The following BAIAP2L1 variants were observed in gnomAD, a reference collection of about 807,000 sequenced individuals.
BAIAP2L1 encodes the protein BAR/IMD domain containing adaptor protein 2 like 1, also known as BAR/IMD domain-containing adapter protein 2-like 1.
A neutral mutation model predicts 66.3 loss-of-function variants in BAIAP2L1; 35 were observed. The observed-to-expected ratio is 0.53, with a 90% CI of 0.40 to 0.70. The LOEUF (loss-of-function observed/expected upper bound fraction) is 0.70, where lower values mean the gene tolerates loss of function less well. Ranked by LOEUF, BAIAP2L1 falls within the 30% of genes least tolerant of loss-of-function variation. BAIAP2L1 has a pLI of 0.00. For synonymous variants in BAIAP2L1, 269 were observed against 248.7 expected, an observed-to-expected ratio of 1.08 and a Z score of -0.77; for missense variants, 622 against 656.9, an observed-to-expected ratio of 0.95 and a Z score of 0.58.
intron 5 of BAIAP2L1, among the ~76,000 whole-genome samples, chr7:98,319,672 G>A (rs569729735): frequency 1.3e-5 from 2 of 150,580 alleles, no homozygotes; most frequent in South Asian, 2.1e-4. Context: ...TCATCCTCCC[G>A]AGTAGCTGGG....
Position 98,307,681 on chromosome 7 carries a change from A to G in BAIAP2L1, c.1163+8T>C, listed in dbSNP as rs780121332. On this transcript the variant is annotated splice_region_variant and intron_variant, in intron 10 of 13. Transcript: ENST00000005260. ...GTGCCCTGCGGGGACCATCACGCCC[A>G]GACTTACGCCTTGGACACGTCGTGT... 6.2e-7 allele frequency: 1 copy of G among 1,613,608 alleles called. No individual in the cohort carries two copies. The highest frequency in any genetic ancestry group is 1.7e-5 in the Admixed American group (1 of 60,024).
At chr7:98,393,744 C>T (rs1012378324) in intron 1 of BAIAP2L1, among the ~76,000 whole-genome samples, 3 of 151,184 alleles carry the variant, frequency 2.0e-5, no homozygotes, top group Admixed American at 6.6e-5. Flanking sequence ...CTCGGCCTCC[C>T]AAAGTGCTGG....
intron 3 of BAIAP2L1, among the ~76,000 whole-genome samples, chr7:98,320,850 C>T (rs563188418): frequency 7.7e-5 from 10 of 129,776 alleles, no homozygotes; most frequent in Admixed American, 4.7e-4. Context: ...TCACATGAGT[C>T]TTTCTGTTCT....
chr7:98,347,632 G>T (rs1017067000), intron 3 of BAIAP2L1, among the ~76,000 whole-genome samples: 3 of 152,036 alleles, frequency 2.0e-5, no homozygotes, highest in African/African-American at 7.3e-5. Context: ...AAAATTAGCC[G>T]GGCGCCGTGG....
chr7:98,331,530 G>A (rs549575974), intron 3 of BAIAP2L1, among the ~76,000 whole-genome samples: 6 of 148,176 alleles, frequency 4.0e-5, no homozygotes, highest in Non-Finnish European at 5.9e-5. Flanking sequence ...GTGCAATGGC[G>A]TGATCTCGGC....
chr7:98,391,214 T>C (rs774101127), intron 1 of BAIAP2L1, among the ~76,000 whole-genome samples: 44 of 151,972 alleles, frequency 2.9e-4, no homozygotes, highest in Non-Finnish European at 5.7e-4. Flanking sequence ...GCACAAGCAC[T>C]CTAGGAGGTG....
At chr7:98,356,352 GT>G (rs1205390655) in intron 2 of BAIAP2L1, among the ~76,000 whole-genome samples, 1 of 152,114 alleles carries the variant, frequency 6.6e-6, no homozygotes, top group Non-Finnish European at 1.5e-5. Context: ...TCTAAGATTG[GT>G]TTCAGACATA....
At chr7:98,382,673 G>A (rs1228264067) in intron 1 of BAIAP2L1, among the ~76,000 whole-genome samples, 1 of 152,104 alleles carries the variant, frequency 6.6e-6, no homozygotes, top group Admixed American at 6.6e-5. Flanking sequence ...TCTTGGCAAT[G>A]CCAGGAAAGC....
intron 7 of BAIAP2L1, among the ~76,000 whole-genome samples, chr7:98,314,637 T>C (rs1801004008): frequency 6.6e-6 from 1 of 152,068 alleles, no homozygotes; most frequent in Non-Finnish European, 1.5e-5. Flanking sequence ...CAGGAACCAA[T>C]ACCACCAAGA....
rs371518872 is a variant in BAIAP2L1 at position 98,306,411 on chromosome 7, G to A, written c.1241+28C>T. On this transcript the variant is annotated intron_variant, in intron 11 of 13. Coordinates refer to ENST00000005260, the MANE Select transcript of BAIAP2L1 (RefSeq NM_018842.5). ...CGACAAGGCAGGGGTTTCTGTCACC[G>A]GGAGAGCTCAGCCACGTTCAGGGCT... The A allele has an allele frequency of 8.1e-6, 13 of 1,612,854 alleles. 1 individual carries two copies. Among genetic ancestry groups the A allele is most frequent in the South Asian group, 3.3e-5 (3 of 91,064 alleles).
chr7:98,357,037 ATATATATATATATTTTTT>A (rs1562782870), intron 2 of BAIAP2L1, among the ~76,000 whole-genome samples: 2 of 16,972 alleles, frequency 1.2e-4, no homozygotes, highest in African/African-American at 4.5e-4. Flanking sequence ...ATATATATAT[ATATATATATATATTTTTT>A]TTTTTTTTTT....
chr7:98,364,099 C>G (rs565580459), intron 1 of BAIAP2L1, among the ~76,000 whole-genome samples: 1 of 151,930 alleles, frequency 6.6e-6, no homozygotes, highest in African/African-American at 2.4e-5. Context: ...GGCCTCAGGT[C>G]TCTATACCTC....
intron 1 of BAIAP2L1, among the ~76,000 whole-genome samples, chr7:98,365,977 T>G (rs948798246): frequency 6.6e-6 from 1 of 152,168 alleles, no homozygotes; most frequent in African/African-American, 2.4e-5. Context: ...CAGTTTGTAT[T>G]GAGGCGTGCA....
At chr7:98,297,168 G>A (rs1436713263) in intron 12 of BAIAP2L1, among the ~76,000 whole-genome samples, 1 of 152,228 alleles carries the variant, frequency 6.6e-6, no homozygotes, top group African/African-American at 2.4e-5. Flanking sequence ...ACTGCGGCCA[G>A]GGTGGACACA....
intron 8 of BAIAP2L1, 79 bp from the exon 9 acceptor site, chr7:98,310,671 T>A: frequency 8.4e-7 from 1 of 1,187,136 alleles, no homozygotes; most frequent in Non-Finnish European, 1.1e-6. Context: ...CTGTTTTTTT[T>A]TTTTAAATAA....
chr7:98,311,788 C>T (rs529569069), intron 8 of BAIAP2L1, among the ~76,000 whole-genome samples: 77 of 152,112 alleles, frequency 5.1e-4, no homozygotes, highest in Admixed American at 2.2e-3. Context: ...CCCCAGTAAT[C>T]CCAGCTACTG....
rs1801504721 is a variant in BAIAP2L1 at position 98,332,000 on chromosome 7, T to C, written c.215-11702A>G. ...GACAAACAAAAACTGAGGGGATTGG[T>C]TACCAGTAGGTCTGACTTGGGAAAA... On this transcript the variant is annotated intron_variant, in intron 3 of 13. Transcript: ENST00000005260. 3.9e-5 allele frequency among the ~76,000 whole-genome samples: 6 copies of C among 152,108 alleles called. No individual in the cohort carries two copies. The South Asian group carries it at 1.2e-3, about 32-fold the overall frequency.
chr7:98,311,184 A>G (rs1272136673), intron 8 of BAIAP2L1, among the ~76,000 whole-genome samples: 2 of 152,150 alleles, frequency 1.3e-5, no homozygotes, highest in African/African-American at 2.4e-5. Context: ...AGTGTGTCTA[A>G]TTTATTCTGA....
At chr7:98,332,189 C>T (rs6465669) in intron 3 of BAIAP2L1, among the ~76,000 whole-genome samples, 60,604 of 150,244 alleles carry the variant, frequency 0.4, 13,079 homozygotes, top group Middle Eastern at 0.55. Flanking sequence ...TAGAGACCAG[C>T]CTGGCCAACA....
Sources: allele counts gnomAD v4.1 joint callset (sites outside exome capture counted in the v4.1 genomes callset), GRCh38; gene constraint gnomAD v4.1.1; transcripts MANE v1.5; gene names NCBI Gene and HGNC (gene_info 2026-07-23, HGNC 2026-07-21).